CTNNA2: variants seen among roughly 807,000 people sequenced by gnomAD.
The protein encoded by CTNNA2 is catenin alpha-2.
In CTNNA2, 42 loss-of-function variants were observed where a neutral mutation model predicts 101.0. The ratio of observed to expected loss-of-function variants is 0.42; its 90% CI spans 0.32 to 0.54. The LOEUF is 0.54. Among genes scored for constraint, CTNNA2 ranks in the 20% least tolerant of loss-of-function variants. The pLI is 0.14. For synonymous variants in CTNNA2, 450 were observed against 456.4 expected, an observed-to-expected ratio of 0.99 and a Z score of 0.18; for missense variants, 871 against 1,223.1, an observed-to-expected ratio of 0.71 and a Z score of 4.29.
rs559302067 is a variant in CTNNA2 at position 79,343,266 on chromosome 2, A to G, written c.-318+30470A>G. 9.2e-5 allele frequency among the ~76,000 whole-genome samples: 14 copies of G among 152,362 alleles called. No individual in the cohort carries two copies. In the East Asian group the frequency reaches 2.5e-3, roughly 27 times the overall value. On this transcript the variant is annotated intron_variant, in intron 3 of 21. Coordinates refer to the CTNNA2 transcript ENST00000466387. ...ATTAATGAAGAAAAATTGGGTATAT[A>G]TAAACAAAATTATTAGAAACAAATG...
At chr2:80,070,064 A>G (rs756829172) in intron 7 of CTNNA2, among the ~76,000 whole-genome samples, 5 of 152,216 alleles carry the variant, frequency 3.3e-5, no homozygotes, top group South Asian at 4.1e-4. Flanking sequence ...TGCCCTGGTT[A>G]GTCTGGATCA....
At chr2:80,070,742 A>G (rs1407786296) in intron 7 of CTNNA2, among the ~76,000 whole-genome samples, 1 of 150,098 alleles carries the variant, frequency 6.7e-6, no homozygotes, top group Non-Finnish European at 1.5e-5. Context: ...GTCTGAAATC[A>G]GTTCCATTGG....
intron 7 of CTNNA2, among the ~76,000 whole-genome samples, chr2:79,912,337 C>G (rs1685861739): frequency 6.6e-6 from 1 of 152,138 alleles, no homozygotes; most frequent in Non-Finnish European, 1.5e-5. Flanking sequence ...TGTATCACAC[C>G]TGATAGAAAA....
chr2:79,288,079 T>C (rs1021019321), intron 2 of CTNNA2, among the ~76,000 whole-genome samples: 1 of 152,226 alleles, frequency 6.6e-6, no homozygotes, highest in African/African-American at 2.4e-5. Flanking sequence ...GCTTGCCAAG[T>C]GAGGCAATGC....
intron 7 of CTNNA2, among the ~76,000 whole-genome samples, chr2:80,198,747 G>T (rs1258384034): frequency 1.3e-5 from 2 of 152,148 alleles, no homozygotes; most frequent in African/African-American, 2.4e-5. Context: ...CTTGGAAGAG[G>T]ATTTATGTTG....
At chr2:79,838,768 A>G (rs2103828190) in intron 3 of CTNNA2, among the ~76,000 whole-genome samples, 1 of 152,190 alleles carries the variant, frequency 6.6e-6, no homozygotes, top group East Asian at 1.9e-4. Flanking sequence ...TATTGAAAAT[A>G]CTGATGAGAT....
intron 4 of CTNNA2, among the ~76,000 whole-genome samples, chr2:79,406,640 T>C (rs980529821): frequency 6.6e-6 from 1 of 151,930 alleles, no homozygotes; most frequent in African/African-American, 2.4e-5. Flanking sequence ...GAGTTAAAGG[T>C]GCTTATCCGT....
At chr2:79,787,534 C>T (rs62140155) in intron 3 of CTNNA2, among the ~76,000 whole-genome samples, 7,955 of 152,114 alleles carry the variant, frequency 0.052, 278 homozygotes, top group Non-Finnish European at 0.08. Context: ...TATTACTACC[C>T]GCTTATTGGC....
intron 7 of CTNNA2, among the ~76,000 whole-genome samples, chr2:80,062,411 G>A (rs1221560778): frequency 6.6e-6 from 1 of 152,076 alleles, no homozygotes; most frequent in Non-Finnish European, 1.5e-5. Context: ...GTACAACTTA[G>A]TGTTGCCTTT....
At chr2:79,195,042 T>C (rs576436705) in intron 1 of CTNNA2, among the ~76,000 whole-genome samples, 1 of 152,284 alleles carries the variant, frequency 6.6e-6, no homozygotes, top group East Asian at 1.9e-4. Flanking sequence ...GAACTGTGAA[T>C]TGGCATGCAT....
intron 7 of CTNNA2, among the ~76,000 whole-genome samples, chr2:80,381,458 A>C (rs1341579340): frequency 6.6e-6 from 1 of 152,164 alleles, no homozygotes; most frequent in East Asian, 1.9e-4. Flanking sequence ...GCTTGCTTTG[A>C]AGACAGTGCT....
At chr2:80,639,513 A>ATATGTGTGTG (rs1553418423) in intron 18 of CTNNA2, among the ~76,000 whole-genome samples, 1 of 147,518 alleles carries the variant, frequency 6.8e-6, no homozygotes, top group South Asian at 2.2e-4. Context: ...CCCAGCCTTG[A>ATATGTGTGTG]TGTGTGTGTG....
intron 4 of CTNNA2, among the ~76,000 whole-genome samples, chr2:79,489,268 T>A (rs1288758911): frequency 6.6e-6 from 1 of 152,204 alleles, no homozygotes; most frequent in Non-Finnish European, 1.5e-5. Flanking sequence ...CCTTTGCTAA[T>A]TTTTAGGCAC....
At chr2:80,014,792 T>G (rs113773711) in intron 7 of CTNNA2, among the ~76,000 whole-genome samples, 50 of 152,352 alleles carry the variant, frequency 3.3e-4, no homozygotes, top group African/African-American at 1.2e-3. Flanking sequence ...TTTCTGAAAA[T>G]AGATGCACTG....
chr2:79,266,615 A>C (rs1461806710), intron 2 of CTNNA2, among the ~76,000 whole-genome samples: 1 of 152,128 alleles, frequency 6.6e-6, no homozygotes, highest in East Asian at 1.9e-4. Flanking sequence ...TGCTTTCATG[A>C]TGGTTGGCAG....
chr2:79,387,953 T>G (rs781219785), intron 4 of CTNNA2, among the ~76,000 whole-genome samples: 1 of 152,076 alleles, frequency 6.6e-6, no homozygotes, highest in Non-Finnish European at 1.5e-5. Context: ...AGAGTAGAGA[T>G]CCTATTATGG....
intron 1 of CTNNA2, among the ~76,000 whole-genome samples, chr2:79,196,782 C>A (rs533103401): frequency 3.2e-4 from 49 of 152,322 alleles, no homozygotes; most frequent in Non-Finnish European, 6.0e-4. Flanking sequence ...TGTGCTATCT[C>A]AGGGAAGACT....
At chr2:79,975,292 G>T (rs980758920) in intron 7 of CTNNA2, among the ~76,000 whole-genome samples, 21 of 152,094 alleles carry the variant, frequency 1.4e-4, no homozygotes, top group African/African-American at 5.1e-4. Flanking sequence ...CACCCTTCAT[G>T]TATATGAGAG....
intron 3 of CTNNA2, among the ~76,000 whole-genome samples, chr2:79,755,198 G>T (rs776773211): frequency 1.8e-4 from 27 of 152,072 alleles, no homozygotes; most frequent in Non-Finnish European, 2.9e-4. Flanking sequence ...GGGCATGGTG[G>T]TGCACACCTG....
Sources: gnomAD v4.1 joint callset for allele counts (sites outside exome capture counted in the v4.1 genomes callset) on GRCh38, gnomAD v4.1.1 for gene constraint, MANE v1.5 for transcripts, NCBI Gene and HGNC (gene_info 2026-07-23, HGNC 2026-07-21) for gene names.